The following NUP58 variants were observed in gnomAD, a reference collection of about 807,000 sequenced individuals.
NUP58 encodes the protein nucleoporin 58.
In NUP58, 17 loss-of-function variants were observed where a neutral mutation model predicts 70.1. The observed-to-expected ratio is 0.24, with a 90% CI of 0.17 to 0.36. NUP58 has a LOEUF of 0.36. Ranked by LOEUF, NUP58 falls within the 10% of genes least tolerant of loss-of-function variation. NUP58 has a pLI of 1.00. For synonymous variants in NUP58, 275 were observed against 257.6 expected, an observed-to-expected ratio of 1.07 and a Z score of -0.65; for missense variants, 644 against 701.5, an observed-to-expected ratio of 0.92 and a Z score of 0.93.
chr13:25,316,887 A>T (rs2030955336), intron 6 of NUP58, among the ~76,000 whole-genome samples: 1 of 152,220 alleles, frequency 6.6e-6, no homozygotes, highest in Non-Finnish European at 1.5e-5. Context: ...AATAAATGAA[A>T]TAAATGTCTT....
In NUP58 at chr13:25,341,499, TTAAG is replaced by T. The variant is rs1407212184; in HGVS notation, c.*1371_*1374del. ...AGTGGCTTCTCAGCCTCTTAATGTC[TTAAG>T]TAAGTGCTTAATTTGGAATAGAGAA... On this transcript the variant is annotated 3_prime_UTR_variant, in exon 16 of 16. Coordinates refer to ENST00000381736, the MANE Select transcript of NUP58 (RefSeq NM_014089.4). 1.3e-5 allele frequency: 2 copies of T among 152,632 alleles called. No individual in the cohort carries two copies. Among genetic ancestry groups the T allele is most frequent in the Non-Finnish European group, 2.9e-5 (2 of 68,034 alleles). 9.5% of individuals were successfully genotyped at this position (152,632 alleles called of 1,614,324 possible). A position where few individuals can be genotyped will look rare whatever the true frequency, so the allele number is the denominator to read the frequency against.
chr13:25,302,868 G>A (rs959604438), intron 1 of NUP58: 6 of 433,616 alleles, frequency 1.4e-5, no homozygotes, highest in Non-Finnish European at 2.3e-5. Flanking sequence ...TACTCTACTC[G>A]CTCAACAACA....
chr13:25,336,303 T>C (rs762471253), intron 13 of NUP58: 2 of 1,266,318 alleles, frequency 1.6e-6, no homozygotes, highest in South Asian at 2.3e-5. Context: ...TACTGTGTAA[T>C]TGATTTGCTT....
intron 12 of NUP58, among the ~76,000 whole-genome samples, chr13:25,327,737 T>A (rs181460410): frequency 2.7e-4 from 41 of 152,342 alleles, no homozygotes; most frequent in Admixed American, 1.4e-3. Flanking sequence ...AACTTTTTTT[T>A]AAGCAGTGCA....
Position 25,301,647 on chromosome 13 carries a change from G to T in NUP58, c.-127G>T, listed in dbSNP as rs1376444504. 2 of 480,266 alleles carry T rather than the reference G, an allele frequency of 4.2e-6. No individual in the cohort carries two copies. The highest frequency in any genetic ancestry group is 7.1e-6 in the Non-Finnish European group (2 of 280,232). 29.8% of individuals were successfully genotyped at this position (480,266 alleles called of 1,614,324 possible). A position where few individuals can be genotyped will look rare whatever the true frequency, so the allele number is the denominator to read the frequency against. On this transcript the variant is annotated 5_prime_UTR_variant, in exon 1 of 16. Coordinates refer to ENST00000381736, the MANE Select transcript of NUP58 (RefSeq NM_014089.4). ...CTCAGCCTTGCCTTCGCCGCCGTTG[G>T]GGCTGGAAGTTCCCGCCAGGTCCGT...
In NUP58 at chr13:25,321,056, C is replaced by T; in HGVS notation, c.914C>T (p.Thr305Ile). ...SLAANGIQRN[T>I]LNIDKLKIET... ...GCTGCCAATGGAATACAGAGAAACA[C>T]TCTCAACATTGACAAATTGAAAATA... is the stretch of plus-strand genomic sequence containing the variant. The change falls in exon 9 of 16, where the codon ACT (threonine) becomes ATT (isoleucine). Residue 305 changes from threonine (T) to isoleucine (I), a missense_variant. This residue lies in a region of NUP58 where 430 missense variants were observed against 409.2 expected (regional missense o/e 1.05). Coordinates refer to ENST00000381736, the MANE Select transcript of NUP58 (RefSeq NM_014089.4). 1.3e-6 allele frequency: 2 copies of T among 1,590,510 alleles called. No individual in the cohort carries two copies. The highest frequency in any genetic ancestry group is 1.7e-6 in the Non-Finnish European group (2 of 1,172,514).
intron 3 of NUP58, among the ~76,000 whole-genome samples, chr13:25,310,206 ATTTTTTTTTTTT>A (rs796547133): frequency 1.9e-4 from 9 of 47,496 alleles, no homozygotes; most frequent in East Asian, 1.2e-3. Flanking sequence ...CCCTTGGCTA[ATTTTTTTTTTTT>A]TTTTTTTTTT....
chr13:25,343,969 T>C (rs916415424), downstream of NUP58, among the ~76,000 whole-genome samples: 1 of 151,906 alleles, frequency 6.6e-6, no homozygotes, highest in East Asian at 1.9e-4. Context: ...GTCATATAAA[T>C]TGTGTGTTTT....
At chr13:25,318,585 A>T (rs1389986441) in intron 6 of NUP58, among the ~76,000 whole-genome samples, 4 of 152,332 alleles carry the variant, frequency 2.6e-5, no homozygotes, top group African/African-American at 9.6e-5. Context: ...TACCGTAAGA[A>T]AAGTGTGCAA....
chr13:25,323,296 G>T (rs1300642983), intron 9 of NUP58, among the ~76,000 whole-genome samples: 2 of 151,762 alleles, frequency 1.3e-5, no homozygotes, highest in Non-Finnish European at 2.9e-5. Flanking sequence ...TGAGTTGATA[G>T]GTGCAGCAGA....
At chr13:25,313,152 T>G in intron 4 of NUP58, 120 bp downstream of exon 4, 6 of 1,208,820 alleles carry the variant, frequency 5.0e-6, no homozygotes, top group Non-Finnish European at 6.8e-6. Context: ...AAATTCAGCT[T>G]TGAGCATTGA....
At chr13:25,347,208 T>C (rs1234535714), downstream of NUP58, among the ~76,000 whole-genome samples, 1 of 152,130 alleles carries the variant, frequency 6.6e-6, no homozygotes, top group East Asian at 1.9e-4. Context: ...AGTTTCAGAT[T>C]TTGGAGCATT....
chr13:25,320,525 C>T lies in NUP58; in HGVS notation c.711-5C>T. On this transcript the variant is annotated splice_region_variant and splice_polypyrimidine_tract_variant and intron_variant, in intron 7 of 15. Transcript: ENST00000381736. ...ACCTTAATACATGTTTTGCATTTTT[C>T]TTAGGGATAGTAAAGCTCTGAAGGA... The T allele has an allele frequency of 6.2e-7, 1 of 1,604,094 alleles. No homozygotes were observed. Among genetic ancestry groups the T allele is most frequent in the Non-Finnish European group, 8.5e-7 (1 of 1,172,770 alleles).
intron 4 of NUP58, 134 bp downstream of exon 4, chr13:25,313,166 A>G: frequency 1.9e-6 from 2 of 1,035,190 alleles, no homozygotes; most frequent in Non-Finnish European, 2.7e-6. Context: ...GCATTGAAGC[A>G]GGAGAGGCTG....
In NUP58 at chr13:25,327,530, AT is replaced by A; in HGVS notation, c.1233+21del. 6.5e-7 allele frequency: 1 copy of A among 1,540,632 alleles called. No individual in the cohort carries two copies. Among genetic ancestry groups the A allele is most frequent in the Non-Finnish European group, 8.9e-7 (1 of 1,117,836 alleles). ...ATGTAAAGGTAAGTTTTCATTACCC[AT>A]TTATCTACCTGGATATGTAGACCCA... On this transcript the variant is annotated intron_variant, in intron 12 of 15. Coordinates refer to ENST00000381736, the MANE Select transcript of NUP58 (RefSeq NM_014089.4).
At chr13:25,331,925 T>C (rs1343572045) in intron 13 of NUP58, 1 of 1,062,576 alleles carries the variant, frequency 9.4e-7, no homozygotes, top group East Asian at 7.3e-5. Context: ...ATCCATCCAT[T>C]CTTTGAATTT....
At position 25,321,110 on chromosome 13, in the gene NUP58, C is replaced by T. The variant is rs763567099; in HGVS notation, c.951+17C>T. The T allele has an allele frequency of 6.4e-7, 1 of 1,553,396 alleles. No homozygotes were observed. The stretch of plus-strand genomic sequence containing the variant: ...ACTGCTCAGGTATACCAACTTATGG[C>T]CATTTTACCGTAGGGTTTTTTTGTT... On this transcript the variant is annotated intron_variant, in intron 9 of 15. Transcript: ENST00000381736.
rs180794287 is a variant in NUP58 at position 25,333,326 on chromosome 13, A to G, written c.1435+1768A>G. On this transcript the variant is annotated intron_variant, in intron 13 of 15. Coordinates refer to ENST00000381736, the MANE Select transcript of NUP58 (RefSeq NM_014089.4). ...TCTTTGCCCTCTGTGGTGGTTGACA[A>G]TGTTAGCTTAATCTGGAGTATTCTT... 2.8e-4 allele frequency: 276 copies of G among 985,348 alleles called. No individual in the cohort carries two copies. The African/African-American group carries it at 3.8e-3, about 14-fold the overall frequency. The allele number at this position is 985,348 out of a possible 1,614,324, so 61.0% of individuals were successfully genotyped here.
intron 13 of NUP58, chr13:25,332,099 C>G: frequency 3.0e-6 from 3 of 991,170 alleles, no homozygotes; most frequent in Non-Finnish European, 3.6e-6. Flanking sequence ...TACAAGCCCT[C>G]TAAACCAAAT....
Sources: gnomAD v4.1 joint callset for allele counts (sites outside exome capture counted in the v4.1 genomes callset) on GRCh38, gnomAD v4.1.1 for gene constraint, gnomAD v4.1.1 regional missense constraint, MANE v1.5 for transcripts, NCBI Gene and HGNC (gene_info 2026-07-23, HGNC 2026-07-21) for gene names.